Variants in GML observed in about 807,000 individuals in gnomAD.
GML encodes the protein glycosylphosphatidylinositol anchored molecule like, also known as glycosyl-phosphatidylinositol-anchored molecule-like protein.
A neutral mutation model predicts 8.2 loss-of-function variants in GML; 5 were observed. The ratio of observed to expected loss-of-function variants is 0.61; its 90% CI spans 0.32 to 1.28. The LOEUF (loss-of-function observed/expected upper bound fraction) is 1.28. Ranked by LOEUF, GML falls within the 50% of genes most tolerant of loss-of-function variation. The probability of loss-of-function intolerance (pLI) is 0.06; values close to 1 mark genes in which losing one functional copy is unlikely to be tolerated. For synonymous variants in GML, 72 were observed against 69.0 expected (o/e 1.04, Z -0.22); for missense variants, 191 against 198.3 (o/e 0.96, Z 0.22).
At chr8:142,838,559 C>T (rs534927465) in intron 1 of GML, among the ~76,000 whole-genome samples, 1 of 152,300 alleles carries the variant, frequency 6.6e-6, no homozygotes, top group Non-Finnish European at 1.5e-5. Context: ...TCCAGACTGA[C>T]TGTTGAGAAA....
intron 3 of GML, 108 bp from the exon 4 acceptor site, chr8:142,846,287 G>C: frequency 1.4e-6 from 1 of 694,626 alleles, no homozygotes; most frequent in Non-Finnish European, 2.5e-6. Flanking sequence ...TGGGAGTGTA[G>C]AATGTGTACA....
intron 1 of GML, among the ~76,000 whole-genome samples, chr8:142,836,622 A>G (rs1308534303): frequency 3.9e-5 from 6 of 152,240 alleles, no homozygotes; most frequent in African/African-American, 1.4e-4. Context: ...TTTATTGAAC[A>G]TCTTGCGTTG....
chr8:142,845,622 G>A (rs974798493), intron 3 of GML, among the ~76,000 whole-genome samples: 4 of 152,200 alleles, frequency 2.6e-5, no homozygotes, highest in Non-Finnish European at 5.9e-5. Flanking sequence ...GTAGTGATGA[G>A]GGCCAAGGTA....
chr8:142,841,051 T>G (rs1586544350), intron 2 of GML, 67 bp from the exon 3 acceptor site: 1 of 813,098 alleles, frequency 1.2e-6, no homozygotes, highest in Non-Finnish European at 2.2e-6. Context: ...AAGGGTGGAG[T>G]GAGCTGGTAA....
In GML at chr8:142,840,994, G is replaced by T. The variant is rs975999503; in HGVS notation, c.74-124G>T. 6.0e-6 allele frequency: 4 copies of T among 667,768 alleles called. No homozygotes were observed. The African/African-American group carries it at 7.1e-5, about 12-fold the overall frequency. 41.4% of individuals were successfully genotyped at this position (667,768 alleles called of 1,614,324 possible). On this transcript the variant is annotated intron_variant, in intron 2 of 3. Coordinates refer to ENST00000220940, the MANE Select transcript of GML (RefSeq NM_002066.3). ...CTGCATAGAGAGCTGAGCTGTGCAG[G>T]CTAGGAGAAGTCCTTGGAAGCAGAG...
At position 142,846,680 on chromosome 8, in the gene GML, T is replaced by C. The variant is rs757207035; in HGVS notation, c.467T>C (p.Ile156Thr). Reference protein sequence around the residue: ...LSFASIIVSNILP With the variant: ...LSFASIIVSNTLP ...TTTGCCTCTATCATAGTCAGCAATATATTGCCATGAGGACCCCACCTTGGA... is the reference window on the plus strand; with the variant it reads ...TTTGCCTCTATCATAGTCAGCAATACATTGCCATGAGGACCCCACCTTGGA... The change falls in exon 4 of 4, where the codon ATA becomes ACA. Residue 156 changes from isoleucine (I) to threonine (T), a missense_variant. Transcript: ENST00000220940. 1 of 1,612,922 alleles carries C rather than the reference T, an allele frequency of 6.2e-7. No individual in the cohort carries two copies. The highest frequency in any genetic ancestry group is 1.1e-5 in the South Asian group (1 of 91,032).
intron 3 of GML, among the ~76,000 whole-genome samples, chr8:142,842,913 C>T (rs1241374023): frequency 1.3e-5 from 2 of 152,208 alleles, no homozygotes; most frequent in Non-Finnish European, 2.9e-5. Context: ...TTCAGCCTTA[C>T]CTGACTGACT....
intron 3 of GML, among the ~76,000 whole-genome samples, chr8:142,844,073 A>AT (rs1554650555): frequency 3.3e-5 from 2 of 60,088 alleles, no homozygotes; most frequent in Non-Finnish European, 6.5e-5. Context: ...GCTCTGAACT[A>AT]TCAAACCGTT....
intron 3 of GML, among the ~76,000 whole-genome samples, chr8:142,843,298 A>ACACACACACC (rs1031495895): frequency 6.9e-5 from 10 of 145,668 alleles, no homozygotes; most frequent in East Asian, 2.0e-4. Context: ...ACACACACAC[A>ACACACACACC]CCATAACCCC....
At chr8:142,836,696 C>T (rs1816346498) in intron 1 of GML, among the ~76,000 whole-genome samples, 1 of 152,180 alleles carries the variant, frequency 6.6e-6, no homozygotes, top group African/African-American at 2.4e-5. Context: ...TGTGCCCTCT[C>T]CTCTCTCCAG....
chr8:142,838,427 G>A lies in GML; in HGVS notation c.-22-1989G>A, dbSNP rs10956989. 3.8e-3 allele frequency among the ~76,000 whole-genome samples: 574 copies of A among 152,278 alleles called. 3 individuals are homozygous for A. The highest frequency in any genetic ancestry group is 0.013 in the African/African-American group (548 of 41,548). On this transcript the variant is annotated intron_variant, in intron 1 of 3. Transcript: ENST00000220940. ...CAACCGGAGACTCGGGGTCTGAGTG[G>A]AGGGTATGTCCCCCTCCAGTGATGG...
At chr8:142,841,280 G>A (rs1816431104) in intron 3 of GML, 55 bp downstream of exon 3, 1 of 908,134 alleles carries the variant, frequency 1.1e-6, no homozygotes, top group East Asian at 2.4e-5. Context: ...TACCTGGGTA[G>A]TTTCTGGGGC....
chr8:142,843,255 T>TACACACAC (rs55778635), intron 3 of GML, among the ~76,000 whole-genome samples: 14,125 of 139,830 alleles, frequency 0.1, 788 homozygotes, highest in Admixed American at 0.14. Flanking sequence ...AAAAGGTTCA[T>TACACACAC]ACACACACAC....
chr8:142,841,019 G>T, intron 2 of GML, 99 bp from the exon 3 acceptor site: 1 of 719,940 alleles, frequency 1.4e-6, no homozygotes, highest in African/African-American at 1.7e-5. Context: ...TGGAAGCAGA[G>T]GGGAAGGGCT....
chr8:142,836,862 A>G (rs1259663065), intron 1 of GML, among the ~76,000 whole-genome samples: 1 of 152,222 alleles, frequency 6.6e-6, no homozygotes, highest in African/African-American at 2.4e-5. Flanking sequence ...CTTCTCCTAC[A>G]GAGTGTGGCT....
At chr8:142,840,041 G>A (rs1816404359) in intron 1 of GML, among the ~76,000 whole-genome samples, 1 of 149,548 alleles carries the variant, frequency 6.7e-6, no homozygotes, top group East Asian at 1.9e-4. Flanking sequence ...AGCGGGAAGC[G>A]CGTCAGTGGG....
chr8:142,834,942 C>T (rs943248498), intron 1 of GML, 74 bp downstream of exon 1: 3 of 80,070 alleles, frequency 3.7e-5, no homozygotes, highest in Non-Finnish European at 7.6e-5. Flanking sequence ...GAGGCAGCCT[C>T]CTCGTCAGCT....
intron 1 of GML, among the ~76,000 whole-genome samples, chr8:142,837,299 C>CAAAAAAAAAAA (rs61251350): frequency 0.13 from 18,811 of 144,694 alleles, 1,424 homozygotes; most frequent in East Asian, 0.39. Context: ...GACTCTGTTT[C>CAAAAAAAAAAA]AAAAAAAGAA....
intron 1 of GML, among the ~76,000 whole-genome samples, chr8:142,838,777 T>C (rs1213366966): frequency 6.6e-6 from 1 of 152,186 alleles, no homozygotes; most frequent in Non-Finnish European, 1.5e-5. Context: ...GCCCTGGCTC[T>C]GTCTCCAGGA....
Sources: gnomAD v4.1 joint callset for allele counts (sites outside exome capture counted in the v4.1 genomes callset) on GRCh38, gnomAD v4.1.1 for gene constraint, MANE v1.5 for transcripts, NCBI Gene and HGNC (gene_info 2026-07-23, HGNC 2026-07-21) for gene names.